The following LARGE1 variants were observed in gnomAD, a reference collection of about 807,000 sequenced individuals.
LARGE1 encodes the protein LARGE xylosyl- and glucuronyltransferase 1, also known as xylosyl- and glucuronyltransferase LARGE1.
Under a neutral mutation model 87.6 loss-of-function variants are expected in LARGE1, and 43 were observed. That is an observed-to-expected ratio of 0.49 (90% CI 0.38 to 0.63). The LOEUF is 0.63. Among genes scored for constraint, LARGE1 ranks in the 30% least tolerant of loss-of-function variants. The probability of loss-of-function intolerance (pLI) is 0.00; values close to 1 mark genes in which losing one functional copy is unlikely to be tolerated. For synonymous variants in LARGE1, 434 were observed against 394.6 expected, an observed-to-expected ratio of 1.10 and a Z score of -1.18; for missense variants, 802 against 1,000.2, an observed-to-expected ratio of 0.80 and a Z score of 2.67.
At chr22:33,128,557 C>G in the LARGE1 span, among the ~76,000 whole-genome samples, 1 of 151,966 alleles carries the variant, frequency 6.6e-6, no homozygotes, top group Non-Finnish European at 1.5e-5. Context: ...CACCTGTAAT[C>G]CCAGCTACTC....
chr22:33,868,693 T>G (rs2064182224), intron 1 of LARGE1, among the ~76,000 whole-genome samples: 1 of 152,142 alleles, frequency 6.6e-6, no homozygotes, highest in Non-Finnish European at 1.5e-5. Flanking sequence ...ACTCCTTCAT[T>G]TGATGCCCCT....
chr22:33,369,433 C>T (rs1263752417), intron 9 of LARGE1, among the ~76,000 whole-genome samples: 2 of 151,242 alleles, frequency 1.3e-5, no homozygotes, highest in Admixed American at 1.3e-4. Context: ...TTGAACTCCC[C>T]AAGCTTCTTT....
At chr22:33,405,615 C>T in intron 7 of LARGE1, among the ~76,000 whole-genome samples, 1 of 152,182 alleles carries the variant, frequency 6.6e-6, no homozygotes. Flanking sequence ...GGGCAGGAGC[C>T]TTCTGCTTTC....
chr22:33,418,057 C>T (rs2066564208), intron 7 of LARGE1, among the ~76,000 whole-genome samples: 1 of 152,208 alleles, frequency 6.6e-6, no homozygotes, highest in South Asian at 2.1e-4. Flanking sequence ...AAGCAATTCT[C>T]CTGCCTCAGC....
intron 2 of LARGE1, among the ~76,000 whole-genome samples, chr22:33,666,286 T>C (rs2081264600): frequency 6.6e-6 from 1 of 152,160 alleles, no homozygotes; most frequent in Non-Finnish European, 1.5e-5. Context: ...GCAGCCCAAG[T>C]ATACTATTAT....
intron 1 of LARGE1, among the ~76,000 whole-genome samples, chr22:33,871,390 T>C (rs568195455): frequency 1.3e-5 from 2 of 152,166 alleles, no homozygotes; most frequent in South Asian, 4.2e-4. Flanking sequence ...CTGTGTCAGG[T>C]AAGGGGGATA....
intron 7 of LARGE1, among the ~76,000 whole-genome samples, chr22:33,405,138 G>A (rs925957954): frequency 1.1e-4 from 17 of 152,188 alleles, no homozygotes; most frequent in Admixed American, 1.1e-3. Flanking sequence ...CCTGCATTCA[G>A]TAGATCCCTA....
intron 2 of LARGE1, among the ~76,000 whole-genome samples, chr22:33,656,496 C>T (rs962718894): frequency 1.3e-5 from 2 of 152,082 alleles, no homozygotes; most frequent in African/African-American, 2.4e-5. Flanking sequence ...ACAGCCAAAC[C>T]GTATCAATAC....
At chr22:33,860,979 T>C (rs1016692103) in intron 1 of LARGE1, among the ~76,000 whole-genome samples, 1 of 152,166 alleles carries the variant, frequency 6.6e-6, no homozygotes, top group Non-Finnish European at 1.5e-5. Flanking sequence ...GTGTGAAGCC[T>C]GCACTCCTGG....
chr22:33,767,011 T>C (rs2084929531), intron 1 of LARGE1, among the ~76,000 whole-genome samples: 1 of 141,954 alleles, frequency 7.0e-6, no homozygotes, highest in Non-Finnish European at 1.5e-5. Context: ...GCTTTTACAA[T>C]TTAAAAGTTA....
At chr22:33,741,996 C>T (rs553895758) in intron 2 of LARGE1, among the ~76,000 whole-genome samples, 17 of 152,252 alleles carry the variant, frequency 1.1e-4, no homozygotes, top group East Asian at 1.9e-4. Flanking sequence ...TGTCACCAAC[C>T]GGCTGTGTTT....
At chr22:33,582,115 G>C (rs1380523839) in intron 5 of LARGE1, among the ~76,000 whole-genome samples, 1 of 152,122 alleles carries the variant, frequency 6.6e-6, no homozygotes, top group Non-Finnish European at 1.5e-5. Context: ...GACACTTTTG[G>C]TTGTCATGAC....
At chr22:33,612,867 G>C (rs1379063084) in intron 4 of LARGE1, among the ~76,000 whole-genome samples, 2 of 152,190 alleles carry the variant, frequency 1.3e-5, no homozygotes, top group African/African-American at 4.8e-5. Flanking sequence ...TGTGGGGTAA[G>C]AGGAGCAAGC....
intron 7 of LARGE1, among the ~76,000 whole-genome samples, chr22:33,411,008 C>T (rs2066288732): frequency 6.6e-6 from 1 of 152,180 alleles, no homozygotes. Context: ...GATTATTTTC[C>T]TTAAGTCAGG....
chr22:33,625,267 T>TTCTGGATAGGAC (rs2079884987), intron 4 of LARGE1, among the ~76,000 whole-genome samples: 1 of 152,136 alleles, frequency 6.6e-6, no homozygotes, highest in African/African-American at 2.4e-5. Context: ...ATGAACACCA[T>TTCTGGATAGGAC]TCTGGATAGG....
At chr22:33,414,510 A>G (rs1469221244) in intron 7 of LARGE1, among the ~76,000 whole-genome samples, 1 of 152,168 alleles carries the variant, frequency 6.6e-6, no homozygotes, top group Non-Finnish European at 1.5e-5. Flanking sequence ...AGTGGGTAGG[A>G]CGTAGCTAAC....
intron 11 of LARGE1, among the ~76,000 whole-genome samples, chr22:33,201,322 GAGAGAA>G (rs1924372375): frequency 7.2e-6 from 1 of 137,978 alleles, no homozygotes; most frequent in Admixed American, 7.2e-5. Context: ...AAGAAAGAAA[GAGAGAA>G]AGAGAGAGAG....
chr22:33,305,154 T>G (rs1201727549), intron 11 of LARGE1, among the ~76,000 whole-genome samples: 1 of 151,922 alleles, frequency 6.6e-6, no homozygotes. Flanking sequence ...GATGGGACCT[T>G]GGAGTCAGGG....
the LARGE1 span, among the ~76,000 whole-genome samples, chr22:33,133,334 C>T: frequency 6.6e-6 from 1 of 152,148 alleles, no homozygotes; most frequent in Non-Finnish European, 1.5e-5. Context: ...TCCCCTAGTC[C>T]CCTGCCCCTG....
Sources: gnomAD v4.1 joint callset for allele counts (sites outside exome capture counted in the v4.1 genomes callset) on GRCh38, gnomAD v4.1.1 for gene constraint, MANE v1.5 for transcripts, NCBI Gene and HGNC (gene_info 2026-07-23, HGNC 2026-07-21) for gene names.